Variants in ACOT11 observed in about 807,000 individuals in gnomAD.
ACOT11 encodes the protein acyl-coenzyme A thioesterase 11.
A neutral mutation model predicts 77.5 loss-of-function variants in ACOT11; 69 were observed. The ratio of observed to expected loss-of-function variants is 0.89; its 90% CI spans 0.73 to 1.09. ACOT11 has a LOEUF of 1.09. ACOT11 is among the 50% of genes least tolerant of loss of function. The pLI is 0.00. For missense variants in ACOT11, 766 were observed against 813.7 expected (o/e 0.94, Z 0.71); for synonymous variants, 279 against 313.0 (o/e 0.89, Z 1.15).
chr1:54,597,132 T>G, intron 6 of ACOT11, 127 bp from the exon 7 acceptor site: 3 of 1,221,190 alleles, frequency 2.5e-6, no homozygotes, highest in East Asian at 2.5e-5. Flanking sequence ...GTGCACTCTG[T>G]GCTGAGTAAA....
chr1:54,587,550 CTTTTTTTTTTT>C (rs33913350), intron 3 of ACOT11, among the ~76,000 whole-genome samples: 4 of 73,542 alleles, frequency 5.4e-5, no homozygotes, highest in Admixed American at 1.9e-4. Context: ...GTTTGTAATC[CTTTTTTTTTTT>C]TTTTTTTTTT....
At chr1:54,569,095 A>C (rs966708690) in intron 1 of ACOT11, among the ~76,000 whole-genome samples, 1 of 151,066 alleles carries the variant, frequency 6.6e-6, no homozygotes, top group Non-Finnish European at 1.5e-5. Flanking sequence ...TGGGCAATAG[A>C]CAGAGCAAGA....
chr1:54,558,800 A>C (rs1260348010), intron 1 of ACOT11, among the ~76,000 whole-genome samples: 1 of 152,150 alleles, frequency 6.6e-6, no homozygotes, highest in African/African-American at 2.4e-5. Flanking sequence ...CAGGCCTTGT[A>C]GGCTGAGTTT....
chr1:54,624,286 C>T (rs1380896624), intron 15 of ACOT11, among the ~76,000 whole-genome samples: 2 of 144,880 alleles, frequency 1.4e-5, no homozygotes, highest in Non-Finnish European at 1.5e-5. Flanking sequence ...GAGGCAGAGC[C>T]GGGCAGTTGG....
chr1:54,548,966 A>G (rs1652970829), intron 1 of ACOT11, among the ~76,000 whole-genome samples: 1 of 152,170 alleles, frequency 6.6e-6, no homozygotes, highest in Non-Finnish European at 1.5e-5. Flanking sequence ...CTGGCAGTGG[A>G]TGGAGTGTAT....
In ACOT11 at chr1:54,591,817, T is replaced by G. The variant is rs150242924; in HGVS notation, c.312-729T>G. On this transcript the variant is annotated intron_variant, in intron 3 of 15. Transcript: ENST00000343744. ...AGTCTGGCTCTGCCACTTTTTAGCT[T>G]GGTGACCTTGGGCAAATGACTTAAC... is the stretch of plus-strand genomic sequence containing the variant. Among the ~76,000 whole-genome samples the G allele has an allele frequency of 8.7e-3, 1,323 of 152,344 alleles. 16 individuals carry two copies. Among genetic ancestry groups the G allele is most frequent in the African/African-American group, 0.03 (1,257 of 41,582 alleles).
chr1:54,612,515 G>C (rs1423917818), downstream of ACOT11: 3 of 1,613,910 alleles, frequency 1.9e-6, no homozygotes, highest in Non-Finnish European at 1.7e-6. Context: ...GCCAGCTGAA[G>C]TGGGGCCAGG....
At chr1:54,621,778 G>C (rs563931260) in intron 15 of ACOT11, 32 of 152,656 alleles carry the variant, frequency 2.1e-4, no homozygotes, top group African/African-American at 7.7e-4. Flanking sequence ...TGGGGGCATG[G>C]TGGCTACTCC....
intron 4 of ACOT11, among the ~76,000 whole-genome samples, 157 bp from the exon 5 acceptor site, chr1:54,593,784 C>T (rs1654797479): frequency 6.6e-6 from 1 of 152,138 alleles, no homozygotes; most frequent in Non-Finnish European, 1.5e-5. Flanking sequence ...GAGTCAAACC[C>T]CCCCTCAGAT....
chr1:54,556,186 G>A (rs11206385), intron 1 of ACOT11, among the ~76,000 whole-genome samples: 8,416 of 152,230 alleles, frequency 0.055, 260 homozygotes, highest in Middle Eastern at 0.16. Context: ...AAATCAGTTG[G>A]CTGTAAATGT....
downstream of ACOT11, chr1:54,612,849 A>G (rs1475547983): frequency 3.1e-6 from 2 of 654,584 alleles, no homozygotes; most frequent in Non-Finnish European, 5.2e-6. Context: ...CAAAGGACAG[A>G]ATGGCTTGTT....
intron 3 of ACOT11, among the ~76,000 whole-genome samples, chr1:54,587,761 C>T (rs2100982980): frequency 6.6e-6 from 1 of 151,296 alleles, no homozygotes; most frequent in Admixed American, 6.6e-5. Context: ...GGGGTTTCAC[C>T]ATGTTGGCCA....
intron 15 of ACOT11, among the ~76,000 whole-genome samples, chr1:54,618,301 C>T (rs1191687550): frequency 6.6e-6 from 1 of 152,036 alleles, no homozygotes; most frequent in Non-Finnish European, 1.5e-5. Flanking sequence ...TTTAGGAGTT[C>T]GAGACTAGCC....
intron 8 of ACOT11, 117 bp downstream of exon 8, chr1:54,599,532 A>C: frequency 8.6e-7 from 1 of 1,161,794 alleles, no homozygotes; most frequent in Non-Finnish European, 1.1e-6. Context: ...ACAGGGTCTA[A>C]ATCCCTGCCT....
At chr1:54,606,932 G>A (rs1644033016) in intron 13 of ACOT11, among the ~76,000 whole-genome samples, 1 of 152,254 alleles carries the variant, frequency 6.6e-6, no homozygotes, top group Non-Finnish European at 1.5e-5. Flanking sequence ...GTCTACATGT[G>A]CCTGTGTGTG....
chr1:54,610,563 G>A, downstream of ACOT11: 1 of 1,608,174 alleles, frequency 6.2e-7, no homozygotes, highest in Non-Finnish European at 8.5e-7. Context: ...TCACTGTGGG[G>A]CCCCAAATCG....
intron 15 of ACOT11, among the ~76,000 whole-genome samples, chr1:54,620,357 G>A (rs1051542057): frequency 6.6e-6 from 1 of 152,236 alleles, no homozygotes; most frequent in Non-Finnish European, 1.5e-5. Flanking sequence ...GAGTGCAGTT[G>A]CCTGAAGAGC....
intron 10 of ACOT11, 126 bp from the exon 11 acceptor site, chr1:54,603,745 C>A: frequency 1.2e-6 from 1 of 868,694 alleles, no homozygotes; most frequent in Non-Finnish European, 1.9e-6. Context: ...GCCTCCCTAC[C>A]CAGACAGGAG....
chr1:54,557,698 A>C (rs1557645312), intron 1 of ACOT11, among the ~76,000 whole-genome samples: 2 of 152,164 alleles, frequency 1.3e-5, no homozygotes, highest in Non-Finnish European at 1.5e-5. Context: ...TAGTATATAG[A>C]AAGACTACTG....
Sources: gnomAD v4.1 joint callset for allele counts (sites outside exome capture counted in the v4.1 genomes callset) on GRCh38, gnomAD v4.1.1 for gene constraint, MANE v1.5 for transcripts, NCBI Gene and HGNC (gene_info 2026-07-23, HGNC 2026-07-21) for gene names.